The following TLE6 variants were observed in gnomAD, a reference collection of about 807,000 sequenced individuals.
The protein encoded by TLE6 is TLE family member 6, subcortical maternal complex member.
In TLE6, 72 loss-of-function variants were observed where a neutral mutation model predicts 77.1. The observed-to-expected ratio is 0.93, with a 90% CI of 0.77 to 1.14. TLE6 has a LOEUF of 1.14. TLE6 is among the 50% of genes most tolerant of loss of function. TLE6 has a pLI of 0.00. For missense variants in TLE6, 843 were observed against 747.6 expected, an observed-to-expected ratio of 1.13 and a Z score of -1.49; for synonymous variants, 366 against 287.3, an observed-to-expected ratio of 1.27 and a Z score of -2.77.
At chr19:2,990,399 C>G (rs1004476044) in intron 13 of TLE6, among the ~76,000 whole-genome samples, 4 of 151,126 alleles carry the variant, frequency 2.6e-5, no homozygotes, top group Non-Finnish European at 4.4e-5. Flanking sequence ...GTCAGGAGAT[C>G]AAGACCATTC....
At chr19:2,991,519 G>A (rs916591532) in intron 13 of TLE6, among the ~76,000 whole-genome samples, 1 of 150,500 alleles carries the variant, frequency 6.6e-6, no homozygotes, top group African/African-American at 2.4e-5. Context: ...CACACCACCC[G>A]CCCGGCACTA....
At position 2,991,900 on chromosome 19, in the gene TLE6, C is replaced by A; in HGVS notation, c.1302C>A (p.Ile434=). Residue 434 remains isoleucine (I), a synonymous_variant, in exon 14 of 17, where the codon ATC becomes ATA. Coordinates refer to ENST00000246112, the MANE Select transcript of TLE6 (RefSeq NM_001143986.2). ...GTATCGTGGTCAAGGGCTACAACAT[C>A]TGGACTGGGGGTCCGGATGCCTGTC... ...VKSIVVKGYN[I]WTGGPDACLR... 2 of 1,613,980 alleles carry A rather than the reference C, an allele frequency of 1.2e-6. No homozygotes were observed. The highest frequency in any genetic ancestry group is 2.2e-5 in the East Asian group (1 of 44,874).
intron 13 of TLE6, among the ~76,000 whole-genome samples, chr19:2,991,424 A>ACC (rs1285446580): frequency 5.4e-5 from 8 of 149,010 alleles, no homozygotes; most frequent in African/African-American, 7.5e-5. Context: ...ACACACACAC[A>ACC]CATATATATA....
Position 2,989,119 on chromosome 19 carries a change from C to T in TLE6, c.799C>T (p.Gln267Ter). The T allele has an allele frequency of 1.2e-6, 2 of 1,614,146 alleles. No homozygotes were observed. The highest frequency in any genetic ancestry group is 1.7e-6 in the Non-Finnish European group (2 of 1,180,056). The change falls in exon 12 of 17, where the codon CAG becomes TAG. Residue 267 changes from glutamine to a stop codon, truncating the protein, a stop_gained. Coordinates refer to ENST00000246112, the MANE Select transcript of TLE6 (RefSeq NM_001143986.2). LOFTEE classifies it high-confidence loss of function. ...GAAGAGGCCAGATGCCTTGCCCGGG[C>T]AGTCAAAGAGACTCGCCGTCCCGTG... ...AWKRPDALPG[Q>*]SKRLAVPCKL...
At chr19:2,992,865 C>T (rs1231913613) in intron 14 of TLE6, among the ~76,000 whole-genome samples, 1 of 143,180 alleles carries the variant, frequency 7.0e-6, no homozygotes, top group East Asian at 2.1e-4. Flanking sequence ...CTAAGTCTCA[C>T]TGATGCTCCA....
chr19:2,977,954 C>T (rs1488397742), intron 1 of TLE6, among the ~76,000 whole-genome samples: 2 of 152,056 alleles, frequency 1.3e-5, no homozygotes, highest in Non-Finnish European at 2.9e-5. Context: ...TCCACCCCAG[C>T]CTCCTAGGGT....
intron 5 of TLE6, among the ~76,000 whole-genome samples, chr19:2,983,401 C>T (rs575862352): frequency 1.3e-4 from 20 of 151,708 alleles, no homozygotes; most frequent in African/African-American, 2.4e-4. Flanking sequence ...CCAGGGTGGG[C>T]GAGGGTTGCA....
rs542931492 is a variant in TLE6 at position 2,994,437 on chromosome 19, T to A, written c.1614+342T>A. Among the ~76,000 whole-genome samples, 542 of 152,114 alleles carry A rather than the reference T, an allele frequency of 3.6e-3. 10 individuals are homozygous for A. Among genetic ancestry groups the A allele is most frequent in the Non-Finnish European group, 7.8e-4 (53 of 67,982 alleles). On this transcript the variant is annotated intron_variant, in intron 16 of 16. Coordinates refer to ENST00000246112, the MANE Select transcript of TLE6 (RefSeq NM_001143986.2). The stretch of plus-strand genomic sequence containing the variant: ...CATCCTGGCTAACACGGTGAATCCC[T>A]GTCTCTACTAAAAATACAAAAAATT...
intron 2 of TLE6, 78 bp from the exon 3 acceptor site, chr19:2,980,022 C>CCA (rs981820221): frequency 8.9e-7 from 1 of 1,128,342 alleles, no homozygotes. Context: ...AATGCCTATG[C>CCA]CATGTTGAGG....
At chr19:2,992,729 T>G (rs2089098591) in intron 14 of TLE6, among the ~76,000 whole-genome samples, 1 of 131,644 alleles carries the variant, frequency 7.6e-6, no homozygotes, top group Non-Finnish European at 1.5e-5. Flanking sequence ...TGAACTGTGA[T>G]CATACCAGTG....
rs1568209395 is a variant in TLE6 at position 2,982,133 on chromosome 19, G to C, written c.181-15G>C. The C allele has an allele frequency of 2.4e-5, 37 of 1,551,446 alleles. No homozygotes were observed. Among genetic ancestry groups the C allele is most frequent in the Non-Finnish European group, 3.1e-5 (36 of 1,146,970 alleles). On this transcript the variant is annotated splice_polypyrimidine_tract_variant and intron_variant, in intron 4 of 16. Coordinates refer to ENST00000246112, the MANE Select transcript of TLE6 (RefSeq NM_001143986.2). ...CGGACCACCTCCCGATGGGATCTCT[G>C]TTTTCCCTTTGCAGCTGCACAAGAT...
At chr19:2,983,352 G>A (rs1377269779) in intron 5 of TLE6, among the ~76,000 whole-genome samples, 11 of 152,150 alleles carry the variant, frequency 7.2e-5, no homozygotes, top group Admixed American at 5.9e-4. Flanking sequence ...TGGGCAAGGC[G>A]GGGGATGGAA....
At position 2,994,035 on chromosome 19, in the gene TLE6, C is replaced by T. The variant is rs771242796; in HGVS notation, c.1554C>T (p.Ser518=). ...TTCTCCCAGGCCAGTGGTGGGCAAGCGTTGGAATGGACGACTTCCTTGGCG... is the reference window on the plus strand; with the variant it reads ...TTCTCCCAGGCCAGTGGTGGGCAAGTGTTGGAATGGACGACTTCCTTGGCG... The part of the protein sequence containing the change: ...KFSPFGQWWA[S]VGMDDFLGVY... The change falls in exon 16 of 17, where the codon AGC becomes AGT. Residue 518 remains serine (S), a synonymous_variant. Coordinates refer to ENST00000246112, the MANE Select transcript of TLE6 (RefSeq NM_001143986.2). 3.7e-6 allele frequency: 6 copies of T among 1,606,184 alleles called. No homozygotes were observed. Among genetic ancestry groups the T allele is most frequent in the East Asian group, 2.2e-5 (1 of 44,674 alleles).
At chr19:2,994,636 T>A (rs553215856) in intron 16 of TLE6, among the ~76,000 whole-genome samples, 1 of 129,034 alleles carries the variant, frequency 7.7e-6, no homozygotes, top group African/African-American at 4.3e-5. Flanking sequence ...AAAAACACTT[T>A]TAAAATTAAA....
At chr19:2,989,874 C>G (rs1377816258) in intron 13 of TLE6, 89 bp downstream of exon 13, 1 of 1,541,604 alleles carries the variant, frequency 6.5e-7, no homozygotes, top group East Asian at 2.3e-5. Context: ...CTCTGCCCGC[C>G]TTCCTGCCAC....
Position 2,995,065 on chromosome 19 carries a change from C to CAA in TLE6, c.*61_*62insAA, listed in dbSNP as rs1051073942. On this transcript the variant is annotated 3_prime_UTR_variant, in exon 17 of 17. Transcript: ENST00000246112. Reference sequence around the variant, plus strand: ...TTTTCATCCCCCCCCTTCCCCCCCCCCAACAAGGGGGACATGGTGGAGGGA... The same window carrying CAA: ...TTTTCATCCCCCCCCTTCCCCCCCCCAACAACAAGGGGGACATGGTGGAGGGA... 2,094 of 1,025,510 alleles carry CAA rather than the reference C, an allele frequency of 2.0e-3. 20 individuals are homozygous for CAA. The highest frequency in any genetic ancestry group is 7.4e-3 in the Middle Eastern group (24 of 3,250). 63.5% of individuals were successfully genotyped at this position (1,025,510 alleles called of 1,614,324 possible).
At position 2,989,729 on chromosome 19, in the gene TLE6, C is replaced by T. The variant is rs764188695; in HGVS notation, c.1188C>T (p.Ala396=). 53 of 1,614,090 alleles carry T rather than the reference C, an allele frequency of 3.3e-5. No homozygotes were observed. In the East Asian group the frequency reaches 9.4e-4, roughly 28 times the overall value. The change falls in exon 13 of 17, where the codon GCC becomes GCT. Residue 396 remains alanine, a synonymous_variant. Transcript: ENST00000246112. Reference sequence around the variant, plus strand: ...ACCTGGATGCCAACCTGGCCTTCGCCAGCTTCACCAGTGGTGTGGTCAGGA... The same window carrying T: ...ACCTGGATGCCAACCTGGCCTTCGCTAGCTTCACCAGTGGTGTGGTCAGGA... The part of the protein sequence containing the change: ...DANLDANLAF[A]SFTSGVVRIW...
chr19:2,981,696 C>A, intron 4 of TLE6, 113 bp downstream of exon 4: 1 of 1,120,556 alleles, frequency 8.9e-7, no homozygotes, highest in Non-Finnish European at 1.3e-6. Flanking sequence ...TTCCGCCAAG[C>A]ACTGTGCCTC....
chr19:2,994,964 G>C lies in TLE6; in HGVS notation c.1679G>C (p.Gly560Ala), dbSNP rs1343913712. The C allele has an allele frequency of 1.9e-6, 3 of 1,609,436 alleles. No homozygotes were observed. Among genetic ancestry groups the C allele is most frequent in the Admixed American group, 1.7e-5 (1 of 59,646 alleles). ...VSSNNRLVVTGSGEHASVYQI... is the reference protein window; with the variant it reads ...VSSNNRLVVTASGEHASVYQI... ...TCCAACAACCGCCTCGTTGTCACAG[G>C]CTCCGGGGAGCACGCCTCCGTGTAC... The change falls in exon 17 of 17, where the codon GGC becomes GCC. Residue 560 changes from glycine (G) to alanine (A), a missense_variant. Transcript: ENST00000246112.
Sources: gnomAD v4.1 joint callset for allele counts (sites outside exome capture counted in the v4.1 genomes callset) on GRCh38, gnomAD v4.1.1 for gene constraint, MANE v1.5 for transcripts, NCBI Gene and HGNC (gene_info 2026-07-23, HGNC 2026-07-21) for gene names.